AGBL4: variants seen among roughly 807,000 people sequenced by gnomAD.
AGBL4 encodes the protein AGBL carboxypeptidase 4, also known as cytosolic carboxypeptidase 6.
AGBL4 carries 58 observed loss-of-function variants against 66.4 expected under a neutral mutation model. That is an observed-to-expected ratio of 0.87 (90% CI 0.71 to 1.09). The LOEUF is 1.09. Ranked by LOEUF, AGBL4 falls within the 50% of genes least tolerant of loss-of-function variation. The pLI is 0.00. For synonymous variants in AGBL4, 234 were observed against 222.9 expected, an observed-to-expected ratio of 1.05 and a Z score of -0.44; for missense variants, 579 against 631.0, an observed-to-expected ratio of 0.92 and a Z score of 0.88.
chr1:48,601,698 T>C (rs770969672), intron 9 of AGBL4, among the ~76,000 whole-genome samples: 2 of 152,220 alleles, frequency 1.3e-5, no homozygotes, highest in Admixed American at 1.3e-4. Context: ...AGGATTATGA[T>C]CTTAGTTTCT....
At chr1:49,003,134 A>G (rs934482611) in intron 5 of AGBL4, among the ~76,000 whole-genome samples, 2 of 152,230 alleles carry the variant, frequency 1.3e-5, no homozygotes, top group African/African-American at 4.8e-5. Context: ...ACGTTGGTGC[A>G]CGCCTGTAAT....
chr1:48,896,345 G>T (rs1471850161), intron 5 of AGBL4, among the ~76,000 whole-genome samples: 1 of 152,118 alleles, frequency 6.6e-6, no homozygotes, highest in Non-Finnish European at 1.5e-5. Flanking sequence ...TTCTCTTCTC[G>T]AGCTTCAGTT....
rs181792861 is a variant in AGBL4 at position 49,294,414 on chromosome 1, A to T, written c.283-48550T>A. 1.5e-4 allele frequency among the ~76,000 whole-genome samples: 23 copies of T among 152,300 alleles called. 1 individual carries two copies. The highest frequency in any genetic ancestry group is 5.5e-4 in the African/African-American group (23 of 41,558). ...GTCATTCTCTTTCCAAAATAGAACA[A>T]TTCTTCCTAATGAAAAACTTTCCTC... On this transcript the variant is annotated intron_variant, in intron 3 of 13. Transcript: ENST00000371839.
intron 5 of AGBL4, among the ~76,000 whole-genome samples, chr1:48,919,677 T>C (rs118011174): frequency 0.01 from 1,555 of 152,242 alleles, 51 homozygotes; most frequent in Admixed American, 0.077. Context: ...TTATGCATTG[T>C]AGGATGTTTA....
chr1:49,895,645 G>A (rs937105324), intron 1 of AGBL4, among the ~76,000 whole-genome samples: 1 of 151,920 alleles, frequency 6.6e-6, no homozygotes, highest in African/African-American at 2.4e-5. Flanking sequence ...CTATTAAGTT[G>A]TCATCAGTTG....
chr1:49,071,922 G>T (rs1246446112), intron 4 of AGBL4, among the ~76,000 whole-genome samples: 2 of 152,256 alleles, frequency 1.3e-5, no homozygotes, highest in East Asian at 3.9e-4. Flanking sequence ...GTGAATCTGG[G>T]TGGTCCTGTA....
chr1:49,166,589 A>G (rs1198337721), intron 4 of AGBL4, among the ~76,000 whole-genome samples: 1 of 152,168 alleles, frequency 6.6e-6, no homozygotes. Context: ...AATAAAGTAT[A>G]CATCCAGAAC....
chr1:48,927,145 A>G (rs1654648270), intron 5 of AGBL4, among the ~76,000 whole-genome samples: 1 of 152,188 alleles, frequency 6.6e-6, no homozygotes, highest in South Asian at 2.1e-4. Flanking sequence ...GGAACAGGGA[A>G]GCCTGGTGTA....
At chr1:49,221,830 T>C (rs1649518481) in intron 4 of AGBL4, among the ~76,000 whole-genome samples, 1 of 152,176 alleles carries the variant, frequency 6.6e-6, no homozygotes, top group Non-Finnish European at 1.5e-5. Flanking sequence ...TATACACTTT[T>C]TAATTTTTAG....
chr1:49,265,756 A>C (rs1206248523), intron 3 of AGBL4, among the ~76,000 whole-genome samples: 1 of 152,208 alleles, frequency 6.6e-6, no homozygotes, highest in Non-Finnish European at 1.5e-5. Flanking sequence ...CTATACAACT[A>C]TATACATTAC....
At chr1:49,893,420 G>T (rs769791876) in intron 1 of AGBL4, among the ~76,000 whole-genome samples, 2 of 152,196 alleles carry the variant, frequency 1.3e-5, no homozygotes, top group Non-Finnish European at 2.9e-5. Context: ...GTAGGCTCTT[G>T]AGGGACCCAA....
At chr1:49,583,605 C>T (rs1644588589) in intron 3 of AGBL4, among the ~76,000 whole-genome samples, 1 of 151,984 alleles carries the variant, frequency 6.6e-6, no homozygotes, top group African/African-American at 2.4e-5. Context: ...TGCACTAATT[C>T]CAGCTGGTTA....
At chr1:49,695,396 G>A (rs1306106988) in intron 3 of AGBL4, among the ~76,000 whole-genome samples, 4 of 152,102 alleles carry the variant, frequency 2.6e-5, no homozygotes, top group Non-Finnish European at 4.4e-5. Context: ...TAGTACATGT[G>A]ACTAAAGCCG....
intron 6 of AGBL4, among the ~76,000 whole-genome samples, chr1:48,832,158 C>T (rs986900506): frequency 1.3e-5 from 2 of 152,086 alleles, no homozygotes; most frequent in East Asian, 3.9e-4. Context: ...TGTCCTTGCT[C>T]CCCAGAGCCC....
At chr1:49,866,234 A>T (rs1395016559) in intron 1 of AGBL4, among the ~76,000 whole-genome samples, 1 of 152,140 alleles carries the variant, frequency 6.6e-6, no homozygotes, top group African/African-American at 2.4e-5. Context: ...ACAGGCCAAC[A>T]TTCAAATTCA....
At chr1:48,776,843 G>A in intron 6 of AGBL4, 1 of 1,494,764 alleles carries the variant, frequency 6.7e-7, no homozygotes, top group Non-Finnish European at 8.9e-7. Flanking sequence ...GTGGGCGCCG[G>A]GGGCGGGCCC....
intron 5 of AGBL4, among the ~76,000 whole-genome samples, chr1:48,998,277 G>T (rs1661160768): frequency 6.6e-6 from 1 of 152,150 alleles, no homozygotes; most frequent in South Asian, 2.1e-4. Context: ...AATGCTCTGT[G>T]CTCTCTACTA....
chr1:48,789,912 C>T (rs1645505125), intron 6 of AGBL4, among the ~76,000 whole-genome samples: 1 of 152,208 alleles, frequency 6.6e-6, no homozygotes, highest in African/African-American at 2.4e-5. Flanking sequence ...ACTCTTACCA[C>T]TTCCTAGGTG....
At chr1:48,715,439 C>A (rs1007237863) in intron 6 of AGBL4, among the ~76,000 whole-genome samples, 1 of 152,152 alleles carries the variant, frequency 6.6e-6, no homozygotes, top group Non-Finnish European at 1.5e-5. Context: ...CTGTGCTATG[C>A]GTTGGGATGC....
Sources: gnomAD v4.1 joint callset for allele counts (sites outside exome capture counted in the v4.1 genomes callset) on GRCh38, gnomAD v4.1.1 for gene constraint, MANE v1.5 for transcripts, NCBI Gene and HGNC (gene_info 2026-07-23, HGNC 2026-07-21) for gene names.